The following ART1 variants were observed in gnomAD, a reference collection of about 807,000 sequenced individuals.
ART1 encodes the protein ADP-ribosyltransferase 1.
ART1 carries 29 observed loss-of-function variants against 27.0 expected under a neutral mutation model. The ratio of observed to expected loss-of-function variants is 1.08; its 90% CI spans 0.80 to 1.47. The LOEUF is 1.47. ART1 is among the 40% of genes most tolerant of loss of function. The pLI, the probability that ART1 is intolerant of heterozygous loss-of-function variation, is 0.00. For missense variants in ART1, 480 were observed against 423.0 expected (o/e 1.13, Z -1.18); for synonymous variants, 201 against 172.2 (o/e 1.17, Z -1.31).
At chr11:3,653,839 A>T (rs2077549711) in intron 1 of ART1, among the ~76,000 whole-genome samples, 1 of 111,764 alleles carries the variant, frequency 8.9e-6, no homozygotes, top group Non-Finnish European at 1.8e-5. Flanking sequence ...AAGTCTTGTA[A>T]ATTCCACCTC....
chr11:3,659,309 A>AG, intron 2 of ART1, 33 bp downstream of exon 2: 1 of 1,613,718 alleles, frequency 6.2e-7, no homozygotes, highest in Non-Finnish European at 8.5e-7. Context: ...CCACCCCAGC[A>AG]GGGAACTGAG....
chr11:3,660,117 T>A lies in ART1; in HGVS notation c.598T>A (p.Phe200Ile), dbSNP rs777796511. 6.2e-7 allele frequency: 1 copy of A among 1,613,808 alleles called. No individual in the cohort carries two copies. The highest frequency in any genetic ancestry group is 8.5e-7 in the Non-Finnish European group (1 of 1,179,960). ...CCGGGCCACCGTGAGGCTGGGGGGCTTTGCTTCTGCCTCCCTGAAGCATGT... is the reference window on the plus strand; with the variant it reads ...CCGGGCCACCGTGAGGCTGGGGGGCATTGCTTCTGCCTCCCTGAAGCATGT... ...GPRATVRLGG[F>I]ASASLKHVAA... Residue 200 changes from phenylalanine to isoleucine, a missense_variant, in exon 3 of 5, where the codon TTT becomes ATT. Phe to Ile is a conservative substitution (Grantham distance 21, BLOSUM62 0). Coordinates refer to ENST00000250693, the MANE Select transcript of ART1 (RefSeq NM_004314.3).
chr11:3,660,636 T>C (rs1333073723), intron 3 of ART1, among the ~76,000 whole-genome samples: 1 of 152,110 alleles, frequency 6.6e-6, no homozygotes, highest in Non-Finnish European at 1.5e-5. Context: ...CTCTGGCCAT[T>C]TGAGTGGGCA....
intron 1 of ART1, among the ~76,000 whole-genome samples, chr11:3,653,443 A>G (rs563461516): frequency 6.8e-6 from 1 of 147,104 alleles, no homozygotes; most frequent in South Asian, 2.2e-4. Context: ...TGTGACCCCC[A>G]CTCTGACTGC....
At chr11:3,657,381 C>A (rs2077583206) in intron 1 of ART1, among the ~76,000 whole-genome samples, 1 of 152,138 alleles carries the variant, frequency 6.6e-6, no homozygotes, top group Non-Finnish European at 1.5e-5. Flanking sequence ...TCGAGATCAG[C>A]CTGGGCAACA....
intron 1 of ART1, among the ~76,000 whole-genome samples, chr11:3,652,555 G>A (rs575925370): frequency 1.3e-5 from 2 of 152,250 alleles, no homozygotes; most frequent in South Asian, 4.1e-4. Flanking sequence ...CGTGTCCTCA[G>A]AATGCTACAA....
chr11:3,647,700 T>G (rs1172818790), intron 1 of ART1, among the ~76,000 whole-genome samples: 1 of 152,096 alleles, frequency 6.6e-6, no homozygotes, highest in Non-Finnish European at 1.5e-5. Flanking sequence ...CACAGAAACT[T>G]GGAAGTGATG....
chr11:3,660,656 G>A (rs747465325), intron 3 of ART1, among the ~76,000 whole-genome samples: 1 of 152,186 alleles, frequency 6.6e-6, no homozygotes, highest in Non-Finnish European at 1.5e-5. Flanking sequence ...AAGCAGACCC[G>A]GTCGGGCTTT....
At chr11:3,652,116 A>T (rs2077527751) in intron 1 of ART1, among the ~76,000 whole-genome samples, 1 of 150,882 alleles carries the variant, frequency 6.6e-6, no homozygotes, top group Non-Finnish European at 1.5e-5. Context: ...CCTTCCCTAC[A>T]CATCAAGCTC....
At chr11:3,655,343 A>T (rs2077564686) in intron 1 of ART1, among the ~76,000 whole-genome samples, 1 of 152,210 alleles carries the variant, frequency 6.6e-6, no homozygotes, top group Non-Finnish European at 1.5e-5. Flanking sequence ...AGAAGAGAAA[A>T]GCAGCCAATT....
intron 1 of ART1, among the ~76,000 whole-genome samples, chr11:3,650,267 A>C (rs985615993): frequency 3.3e-5 from 5 of 152,184 alleles, no homozygotes; most frequent in Non-Finnish European, 7.3e-5. Flanking sequence ...GATTCCTCCT[A>C]AGCCGTATCC....
At chr11:3,662,084 C>T (rs1203688325) in intron 4 of ART1, among the ~76,000 whole-genome samples, 1 of 152,228 alleles carries the variant, frequency 6.6e-6, no homozygotes, top group African/African-American at 2.4e-5. Flanking sequence ...CAGTGCAGAA[C>T]CCACTGTCTC....
chr11:3,646,291 C>G (rs1410224779), intron 1 of ART1, among the ~76,000 whole-genome samples: 1 of 151,960 alleles, frequency 6.6e-6, no homozygotes, highest in Non-Finnish European at 1.5e-5. Flanking sequence ...AGGGGCAAAC[C>G]TGAGCCAGGG....
intron 1 of ART1, among the ~76,000 whole-genome samples, chr11:3,653,329 A>C (rs1289337689): frequency 6.7e-6 from 1 of 148,342 alleles, no homozygotes; most frequent in Non-Finnish European, 1.5e-5. Flanking sequence ...ATTCCACCAC[A>C]AAAGAAGTGA....
intron 1 of ART1, among the ~76,000 whole-genome samples, chr11:3,648,224 C>T (rs1248741288): frequency 1.3e-5 from 2 of 152,194 alleles, no homozygotes; most frequent in Non-Finnish European, 1.5e-5. Flanking sequence ...TTTTCGGACT[C>T]AGTCCACCTG....
At chr11:3,653,152 C>T (rs974670441) in intron 1 of ART1, among the ~76,000 whole-genome samples, 1 of 148,360 alleles carries the variant, frequency 6.7e-6, no homozygotes, top group East Asian at 1.9e-4. Context: ...TCCACACCAC[C>T]CCCAAAAATT....
Position 3,650,686 on chromosome 11 carries a change from A to T in ART1, c.-53+5507A>T, listed in dbSNP as rs1020124517. 5.5e-4 allele frequency among the ~76,000 whole-genome samples: 83 copies of T among 151,972 alleles called. 1 individual carries two copies. Among genetic ancestry groups the T allele is most frequent in the Admixed American group, 2.6e-4 (4 of 15,246 alleles). ...CCTTTTTCATTATCCCCACCTGCCC[A>T]GTTCCCTTATTAGGCAGAGACACTT... On this transcript the variant is annotated intron_variant, in intron 1 of 4. Coordinates refer to ENST00000250693, the MANE Select transcript of ART1 (RefSeq NM_004314.3).
At chr11:3,648,318 C>G (rs888431413) in intron 1 of ART1, among the ~76,000 whole-genome samples, 29 of 152,172 alleles carry the variant, frequency 1.9e-4, no homozygotes, top group Non-Finnish European at 3.8e-4. Flanking sequence ...ATTTGGTGCC[C>G]TGACTCAGAT....
intron 1 of ART1, among the ~76,000 whole-genome samples, chr11:3,649,512 A>G (rs1415382568): frequency 2.0e-5 from 3 of 151,940 alleles, no homozygotes; most frequent in African/African-American, 7.3e-5. Flanking sequence ...TCCCAACCCC[A>G]AGTGTCGCTG....
Sources: allele counts gnomAD v4.1 joint callset (sites outside exome capture counted in the v4.1 genomes callset), GRCh38; gene constraint gnomAD v4.1.1; transcripts MANE v1.5; gene names NCBI Gene and HGNC (gene_info 2026-07-23, HGNC 2026-07-21).